The following MTMR8 variants were observed in gnomAD, a reference collection of about 807,000 sequenced individuals.
The protein encoded by MTMR8 is myotubularin related protein 8.
A neutral mutation model predicts 39.3 loss-of-function variants in MTMR8; 65 were observed. That is an observed-to-expected ratio of 1.65 (90% confidence interval 1.35 to 2.03). MTMR8 has a LOEUF of 2.03. Among genes scored for constraint, MTMR8 ranks in the 30% most tolerant of loss-of-function variants. MTMR8 has a pLI of 0.00. For synonymous variants in MTMR8, 245 were observed against 185.2 expected (o/e 1.32, Z -2.62); for missense variants, 777 against 538.9 (o/e 1.44, Z -4.37).
At chrX:64,283,652 C>T (rs1196961863) in intron 12 of MTMR8, among the ~76,000 whole-genome samples, 3 of 112,503 alleles carry the variant, frequency 2.7e-5, no homozygotes, top group Admixed American at 9.4e-5. Context: ...CATACAGCAA[C>T]ATTTGCTGTT....
intron 12 of MTMR8, among the ~76,000 whole-genome samples, chrX:64,271,545 T>C (rs942938710): frequency 1.8e-5 from 2 of 111,882 alleles, no homozygotes; most frequent in East Asian, 5.6e-4. Context: ...ACCAACCAGA[T>C]TGTAAACAAA....
intron 12 of MTMR8, among the ~76,000 whole-genome samples, chrX:64,304,333 A>G (rs1922005162): frequency 8.9e-6 from 1 of 111,965 alleles, no homozygotes; most frequent in African/African-American, 3.2e-5. Context: ...ACCTGAAGGC[A>G]AATCAAGCTT....
intron 12 of MTMR8, among the ~76,000 whole-genome samples, chrX:64,290,924 T>A (rs1921372287): frequency 8.9e-6 from 1 of 112,041 alleles, no homozygotes; most frequent in Non-Finnish European, 1.9e-5. Context: ...AGTATTCATG[T>A]AGAGGTTTTC....
intron 12 of MTMR8, among the ~76,000 whole-genome samples, chrX:64,316,860 T>C (rs975853053): frequency 4.5e-5 from 5 of 110,026 alleles, no homozygotes; most frequent in African/African-American, 1.7e-4. Context: ...GCTGTAATCA[T>C]AGCACTTTGG....
At chrX:64,335,674 T>A (rs1047637500) in intron 10 of MTMR8, among the ~76,000 whole-genome samples, 27 of 111,554 alleles carry the variant, frequency 2.4e-4, no homozygotes, top group Non-Finnish European at 3.2e-4. Flanking sequence ...TTGATATTAG[T>A]CCCTCTGAAT....
chrX:64,385,022 T>G (rs1924521912), intron 1 of MTMR8, among the ~76,000 whole-genome samples: 1 of 112,434 alleles, frequency 8.9e-6, no homozygotes, highest in South Asian at 3.7e-4. Context: ...CCTTAGGACA[T>G]TTCATTGCTC....
At position 64,286,204 on chromosome X, in the gene MTMR8, G is replaced by A. The variant is rs987411656; in HGVS notation, c.1482-15131C>T. 5.4e-5 allele frequency among the ~76,000 whole-genome samples: 6 copies of A among 112,077 alleles called. 1 individual carries two copies. The highest frequency in any genetic ancestry group is 7.5e-5 in the Non-Finnish European group (4 of 53,174). On this transcript the variant is annotated intron_variant, in intron 12 of 13. Coordinates refer to ENST00000374852, the MANE Select transcript of MTMR8 (RefSeq NM_017677.4). ...CAGAGAATACTATAAACAACTCTAC[G>A]CAAATAAACTAGAAAATCTAGAAGA...
intron 12 of MTMR8, chrX:64,306,416 T>C (rs1922121138): frequency 6.2e-6 from 1 of 160,967 alleles, no homozygotes; most frequent in African/African-American, 3.1e-5. Flanking sequence ...CAGATTTTAT[T>C]TTTATAAATT....
Position 64,339,102 on chromosome X carries a change from C to T in MTMR8, c.976-1709G>A, listed in dbSNP as rs777270723. Among the ~76,000 whole-genome samples the T allele has an allele frequency of 3.6e-5, 4 of 111,019 alleles. No homozygotes were observed. In the Admixed American group the frequency reaches 3.8e-4, roughly 11 times the overall value. Reference sequence around the variant, plus strand: ...AGTTCAGGAGAGGGAAAGATCTGAACCAGAGTATAGATTTCACCACTATCT... The same window carrying T: ...AGTTCAGGAGAGGGAAAGATCTGAATCAGAGTATAGATTTCACCACTATCT... On this transcript the variant is annotated intron_variant, in intron 8 of 13. Coordinates refer to ENST00000374852, the MANE Select transcript of MTMR8 (RefSeq NM_017677.4).
chrX:64,337,272 A>G lies in MTMR8; in HGVS notation c.1097T>C (p.Leu366Pro). Residue 366 changes from leucine (L) to proline (P), a missense_variant, in exon 9 of 14, where the codon CTC (leucine) becomes CCC (proline). Leu to Pro is a moderately conservative substitution (Grantham distance 98). Coordinates refer to ENST00000374852, the MANE Select transcript of MTMR8 (RefSeq NM_017677.4). ...LDPFYRTFKG[L>P]MILIEKEWIS... ...TATAGTAGCGTGCTCTCTTACCATG[A>G]GTCCTTTGAATGTCCTATAAAATGG... 8.3e-7 allele frequency: 1 copy of G among 1,209,415 alleles called. No individual in the cohort carries two copies. The highest frequency in any genetic ancestry group is 1.1e-6 in the Non-Finnish European group (1 of 894,219).
At chrX:64,366,540 G>C (rs1923963913) in intron 1 of MTMR8, among the ~76,000 whole-genome samples, 1 of 111,931 alleles carries the variant, frequency 8.9e-6, no homozygotes, top group African/African-American at 3.2e-5. Context: ...CAGAAATAAA[G>C]ATGTTCTTTG....
intron 12 of MTMR8, among the ~76,000 whole-genome samples, chrX:64,298,562 C>T (rs1279950761): frequency 1.2e-5 from 1 of 86,620 alleles, no homozygotes; most frequent in African/African-American, 9.4e-5. Context: ...TAATTGAATA[C>T]CCTTTATTTC....
chrX:64,384,691 G>A (rs772425375), intron 1 of MTMR8, among the ~76,000 whole-genome samples: 2 of 112,514 alleles, frequency 1.8e-5, no homozygotes, highest in African/African-American at 6.4e-5. Context: ...AGCCAGAGTA[G>A]CCCAGATTTG....
chrX:64,365,936 CA>C (rs954206787), intron 1 of MTMR8, among the ~76,000 whole-genome samples: 1 of 109,338 alleles, frequency 9.1e-6, no homozygotes, highest in Non-Finnish European at 1.9e-5. Flanking sequence ...AAATGGAAAG[CA>C]AAAAAAAGCA....
intron 1 of MTMR8, among the ~76,000 whole-genome samples, chrX:64,367,083 C>T (rs1923985415): frequency 9.0e-6 from 1 of 111,329 alleles, no homozygotes; most frequent in African/African-American, 3.3e-5. Context: ...CTGAATAGAC[C>T]AATAACAAGC....
At chrX:64,335,119 T>C (rs1923041043) in intron 10 of MTMR8, among the ~76,000 whole-genome samples, 1 of 110,798 alleles carries the variant, frequency 9.0e-6, no homozygotes, top group South Asian at 3.9e-4. Context: ...TATAATCTCC[T>C]TGGGGTAAAA....
intron 12 of MTMR8, among the ~76,000 whole-genome samples, chrX:64,316,705 C>T (rs756417840): frequency 7.2e-5 from 8 of 111,350 alleles, no homozygotes; most frequent in African/African-American, 2.6e-4. Context: ...TTTTTTGGCA[C>T]TTAAAAATGT....
intron 1 of MTMR8, among the ~76,000 whole-genome samples, chrX:64,379,397 G>A (rs1017108240): frequency 2.4e-4 from 27 of 111,683 alleles, no homozygotes; most frequent in Non-Finnish European, 1.5e-4. Flanking sequence ...TGGTGTATTA[G>A]TTTGCTAGGG....
chrX:64,298,074 T>G (rs1300959106), intron 12 of MTMR8, among the ~76,000 whole-genome samples: 3 of 77,317 alleles, frequency 3.9e-5, no homozygotes, highest in Non-Finnish European at 7.4e-5. Flanking sequence ...GGCTCTTTTT[T>G]GGTTCCATAT....
Sources: gnomAD v4.1 joint callset for allele counts (sites outside exome capture counted in the v4.1 genomes callset) on GRCh38, gnomAD v4.1.1 for gene constraint, MANE v1.5 for transcripts, NCBI Gene and HGNC (gene_info 2026-07-23, HGNC 2026-07-21) for gene names.